The following DPH7 variants were observed in gnomAD, a reference collection of about 807,000 sequenced individuals.
DPH7 encodes diphthine methyltransferase.
In DPH7, 44 loss-of-function variants were observed where a neutral mutation model predicts 41.7. The observed-to-expected ratio is 1.05, with a 90% CI of 0.83 to 1.36. The LOEUF is 1.36. DPH7 is among the 40% of genes most tolerant of loss of function. The pLI is 0.00. For synonymous variants in DPH7, 275 were observed against 238.0 expected (o/e 1.16, Z -1.43); for missense variants, 629 against 577.5 (o/e 1.09, Z -0.91).
chr9:137,577,604 C>T lies in DPH7; in HGVS notation c.154-1G>A. ...GAGGCTCCTTAACTTCCATTCCACCCTACAAAAAATGCAGAGGTAGTCTCT... is the reference window on the plus strand; with the variant it reads ...GAGGCTCCTTAACTTCCATTCCACCTTACAAAAAATGCAGAGGTAGTCTCT... On this transcript the variant is annotated splice_acceptor_variant, in intron 1 of 8. Transcript: ENST00000277540. LOFTEE classifies it high-confidence loss of function. 6.2e-7 allele frequency: 1 copy of T among 1,611,756 alleles called. No individual in the cohort carries two copies. The highest frequency in any genetic ancestry group is 8.5e-7 in the Non-Finnish European group (1 of 1,179,170).
Position 137,574,756 on chromosome 9 carries a change from C to G in DPH7, c.463G>C (p.Gly155Arg). The change falls in exon 4 of 9, where the codon GGA becomes CGA. Residue 155 changes from glycine to arginine, a missense_variant. By Grantham distance (125) the Gly-to-Arg change is moderately radical. Transcript: ENST00000277540. ...CTGACCAAGCCTGGCCCTTACCTTC[C>G]AGTTTTCCCAGTGGACCAATCTAGG... ...LSLDWSTGKT[G>R]RAGDQPLKII... 1.9e-6 allele frequency: 3 copies of G among 1,613,988 alleles called. No individual in the cohort carries two copies. Among genetic ancestry groups the G allele is most frequent in the Non-Finnish European group, 1.7e-6 (2 of 1,179,986 alleles).
chr9:137,573,722 T>A (rs1321183068), intron 5 of DPH7, among the ~76,000 whole-genome samples: 1 of 138,250 alleles, frequency 7.2e-6, no homozygotes, highest in African/African-American at 2.7e-5. Flanking sequence ...AATAGCTAAG[T>A]GATGAGCGCC....
chr9:137,574,217 C>G lies in DPH7; in HGVS notation c.631G>C (p.Val211Leu). 1 of 1,614,120 alleles carries G rather than the reference C, an allele frequency of 6.2e-7. No individual in the cohort carries two copies. The highest frequency in any genetic ancestry group is 8.5e-7 in the Non-Finnish European group (1 of 1,180,008). The change falls in exon 5 of 9, where the codon GTG becomes CTG. Residue 211 changes from valine (V) to leucine (L), a missense_variant. Val to Leu is a conservative substitution (Grantham distance 32). Coordinates refer to ENST00000277540, the MANE Select transcript of DPH7 (RefSeq NM_138778.5). ...GTGGAGGAATACTGACCTGAATACA[C>G]AATTTCTGGATGCCAGTAATTGAAA... is the stretch of plus-strand genomic sequence containing the variant. The part of the protein sequence containing the change: ...AAFNYWHPEI[V>L]YSGGDDGLLR...
rs1181316157 is a variant in DPH7 at position 137,556,399 on chromosome 9, T to C, written c.950-751A>G. Among the ~76,000 whole-genome samples the C allele has an allele frequency of 6.6e-6, 1 of 152,168 alleles. No homozygotes were observed. Among genetic ancestry groups the C allele is most frequent in the Non-Finnish European group, 1.5e-5 (1 of 68,028 alleles). ...AGGGGCTGCAAGGCTGGGTGGCCAC[T>C]TGGGCTCTGAAAGGGCTGCCATCGC... is the stretch of plus-strand genomic sequence containing the variant. On this transcript the variant is annotated intron_variant, in intron 8 of 8. Transcript: ENST00000277540. This position sits in a 1 kb window ranked among gnomAD's most constrained non-coding sequence, Gnocchi z 5.2.
intron 5 of DPH7, among the ~76,000 whole-genome samples, chr9:137,569,545 TCCACCCA>T (rs1221384112): frequency 7.8e-5 from 5 of 64,092 alleles, no homozygotes; most frequent in East Asian, 5.4e-4. Flanking sequence ...CTACCATCCA[TCCACCCA>T]CCACCCACCA....
intron 5 of DPH7, among the ~76,000 whole-genome samples, chr9:137,572,147 G>C (rs758615608): frequency 2.6e-5 from 4 of 152,220 alleles, no homozygotes; most frequent in African/African-American, 4.8e-5. Flanking sequence ...CCTGCCTGGG[G>C]TGGAAGGACA....
chr9:137,557,590 AG>A (rs1346786168), intron 8 of DPH7, among the ~76,000 whole-genome samples: 1 of 149,960 alleles, frequency 6.7e-6, no homozygotes, highest in African/African-American at 2.5e-5. Context: ...AGGCCGAGGC[AG>A]GTGGATCACA....
rs2132760150 is a variant in DPH7, at chr9:137,556,013, A to C, written c.950-365T>G. ...CTGGGAAGGAAGGGGATGTCTGAGG[A>C]ACAGGCAGCATGTGTACAGCAGAGG... On this transcript the variant is annotated intron_variant, in intron 8 of 8. Transcript: ENST00000277540. This position sits in a 1 kb window ranked among gnomAD's most constrained non-coding sequence, Gnocchi z 5.2. 6.6e-6 allele frequency among the ~76,000 whole-genome samples: 1 copy of C among 152,286 alleles called. No homozygotes were observed. The highest frequency in any genetic ancestry group is 2.1e-4 in the South Asian group (1 of 4,822).
rs1189135393 is a variant in DPH7 at position 137,577,566 on chromosome 9, C to T, written c.191G>A (p.Gly64Asp). The T allele has an allele frequency of 1.2e-6, 2 of 1,614,006 alleles. No homozygotes were observed. The highest frequency in any genetic ancestry group is 1.7e-6 in the Non-Finnish European group (2 of 1,179,970). Reference sequence around the variant, plus strand: ...ATTGAAACTGTACAGGAAGAGACGGCCTAAACGGACCTGAGGCTCCTTAAC... The same window carrying T: ...ATTGAAACTGTACAGGAAGAGACGGTCTAAACGGACCTGAGGCTCCTTAAC... ...MEVKEPQVRLGRLFLYSFNDN... is the reference protein window; with the variant it reads ...MEVKEPQVRLDRLFLYSFNDN... Residue 64 changes from glycine to aspartate, a missense_variant, in exon 2 of 9, where the codon GGC (glycine) becomes GAC (aspartate). By Grantham distance (94) the Gly-to-Asp change is moderately conservative. Transcript: ENST00000277540.
chr9:137,571,845 C>T (rs1452725877), intron 5 of DPH7, among the ~76,000 whole-genome samples: 1 of 152,128 alleles, frequency 6.6e-6, no homozygotes, highest in African/African-American at 2.4e-5. Flanking sequence ...GGACTTTTGT[C>T]TGTTTAGTTT....
intron 3 of DPH7, 178 bp downstream of exon 3, chr9:137,575,902 T>C (rs566148152): frequency 1.4e-6 from 2 of 1,408,014 alleles, no homozygotes; most frequent in African/African-American, 1.4e-5. Flanking sequence ...CCTCTTGGAG[T>C]TGGATGTAGA....
In DPH7 at chr9:137,565,098, A is replaced by G. The variant is rs1839369867; in HGVS notation, c.697T>C (p.Phe233Leu). Residue 233 changes from phenylalanine to leucine, a missense_variant, in exon 6 of 9, where the codon TTC becomes CTC. By Grantham distance (22) the Phe-to-Leu change is conservative. Coordinates refer to ENST00000277540, the MANE Select transcript of DPH7 (RefSeq NM_138778.5). ...TTGGGCAGTTACCTTTTGCTGGTGA[A>G]GAGAAATTTGCCGGGTACCCTGGTG... ...WDTRVPGKFL[F>L]TSKRHTMGVC... The G allele has an allele frequency of 6.2e-7, 1 of 1,613,874 alleles. No homozygotes were observed.
chr9:137,575,879 C>T, intron 3 of DPH7: 1 of 1,397,180 alleles, frequency 7.2e-7, no homozygotes, highest in Non-Finnish European at 9.3e-7. Context: ...GCTGGTGACA[C>T]ATGAGGTGAC....
chr9:137,559,416 C>G (rs1355690340), intron 8 of DPH7, among the ~76,000 whole-genome samples: 4 of 151,852 alleles, frequency 2.6e-5, no homozygotes, highest in African/African-American at 9.7e-5. Context: ...AAGGGAGTCT[C>G]CCTTTCCCCG....
chr9:137,565,044 G>A (rs773542029), intron 6 of DPH7, 41 bp downstream of exon 6: 4 of 1,613,224 alleles, frequency 2.5e-6, no homozygotes, highest in East Asian at 2.2e-5. Flanking sequence ...GGGAACGCGG[G>A]GGCTGGTGTG....
At chr9:137,575,355 T>C (rs950379200) in intron 3 of DPH7, 24 of 988,358 alleles carry the variant, frequency 2.4e-5, no homozygotes, top group Non-Finnish European at 2.9e-5. Flanking sequence ...GCCTGGCCAG[T>C]GCTTAACTCC....
intron 1 of DPH7, chr9:137,578,388 G>C (rs1173185216): frequency 5.1e-6 from 2 of 392,684 alleles, no homozygotes; most frequent in Middle Eastern, 6.9e-4. Context: ...GGATGGTCTC[G>C]ATCTCCTGAC....
At chr9:137,564,358 G>GA in intron 8 of DPH7, 76 bp downstream of exon 8, 2 of 1,520,842 alleles carry the variant, frequency 1.3e-6, no homozygotes, top group Non-Finnish European at 1.8e-6. Context: ...GGAGCTGAGG[G>GA]AAGAGCCCAG....
intron 3 of DPH7, chr9:137,575,775 C>G: frequency 8.5e-7 from 1 of 1,174,862 alleles, no homozygotes; most frequent in Non-Finnish European, 1.1e-6. Context: ...CTCTGGGCCC[C>G]AGCATCAACC....
Sources: gnomAD v4.1 joint callset for allele counts (sites outside exome capture counted in the v4.1 genomes callset) on GRCh38, gnomAD v4.1.1 for gene constraint, Gnocchi (gnomAD v3.1) non-coding constraint, MANE v1.5 for transcripts, NCBI Gene and HGNC (gene_info 2026-07-23, HGNC 2026-07-21) for gene names.